The following CSMD2 variants were observed in gnomAD, a reference collection of about 807,000 sequenced individuals.
CSMD2 encodes CUB and sushi domain-containing protein 2.
In CSMD2, 130 loss-of-function variants were observed where a neutral mutation model predicts 398.5. The observed-to-expected ratio is 0.33, with a 90% CI of 0.28 to 0.38. CSMD2 has a LOEUF of 0.38. Among genes scored for constraint, CSMD2 ranks in the 10% least tolerant of loss-of-function variants. CSMD2 has a pLI of 1.00. For missense variants in CSMD2, 3,829 were observed against 4,764.9 expected (o/e 0.80, Z 5.78); for synonymous variants, 1,828 against 1,908.5 (o/e 0.96, Z 1.10).
chr1:34,023,493 C>A (rs1649210050), intron 3 of CSMD2, among the ~76,000 whole-genome samples: 1 of 152,108 alleles, frequency 6.6e-6, no homozygotes, highest in East Asian at 1.9e-4. Context: ...CAATAGCTAC[C>A]ATTGCAGGAC....
chr1:33,731,572 C>T (rs956408153), intron 15 of CSMD2, among the ~76,000 whole-genome samples: 11 of 152,132 alleles, frequency 7.2e-5, no homozygotes, highest in African/African-American at 2.7e-4. Flanking sequence ...ATGCAGGAGA[C>T]TCCTCATTCT....
intron 4 of CSMD2, among the ~76,000 whole-genome samples, chr1:33,935,091 T>C (rs1244920427): frequency 1.4e-5 from 2 of 146,588 alleles, no homozygotes; most frequent in Non-Finnish European, 3.0e-5. Flanking sequence ...AAGAAGATTG[T>C]GTAAGGAATA....
intron 21 of CSMD2, among the ~76,000 whole-genome samples, chr1:33,711,044 T>C (rs887797226): frequency 6.6e-6 from 1 of 152,242 alleles, no homozygotes; most frequent in Admixed American, 6.5e-5. Flanking sequence ...AATATCATGA[T>C]GAATGTGCTG....
In CSMD2 at chr1:33,611,068, G is replaced by C; in HGVS notation, c.6316C>G (p.Arg2106Gly). The C allele has an allele frequency of 6.2e-7, 1 of 1,613,984 alleles. No individual in the cohort carries two copies. The highest frequency in any genetic ancestry group is 8.5e-7 in the Non-Finnish European group (1 of 1,179,986). ...TGATACTCCAGCTTGAATCCTGGCC[G>C]ATTCTGGGAGTGGTCGCTGTGGAAA... is the stretch of plus-strand genomic sequence containing the variant. ...VYFHSDHSQN[R>G]PGFKLEYQAY... The change falls in exon 41 of 71, where the codon CGG (arginine) becomes GGG (glycine). Residue 2106 changes from arginine to glycine, a missense_variant. Physicochemically the swap from Arg to Gly is moderately radical, Grantham distance 125 (BLOSUM62 -2). Coordinates refer to ENST00000373381, the MANE Select transcript of CSMD2 (RefSeq NM_001281956.2).
intron 10 of CSMD2, among the ~76,000 whole-genome samples, chr1:33,809,784 A>G (rs1046835795): frequency 6.6e-6 from 1 of 152,132 alleles, no homozygotes; most frequent in South Asian, 2.1e-4. Context: ...AAAAGCCCAA[A>G]GAATTCAGAT....
Position 33,825,791 on chromosome 1 carries a change from A to T in CSMD2, c.1034-17T>A. ...GCTTCTTGACTAGAGAGGAGGTAAG[A>T]GGAAAAACAATGTGAGTTGTTGCCT... On this transcript the variant is annotated splice_polypyrimidine_tract_variant and intron_variant, in intron 6 of 70. Transcript: ENST00000373381. 1 of 1,608,276 alleles carries T rather than the reference A, an allele frequency of 6.2e-7. No homozygotes were observed. The highest frequency in any genetic ancestry group is 8.5e-7 in the Non-Finnish European group (1 of 1,175,492).
chr1:33,538,193 T>G (rs1262054169), intron 60 of CSMD2, among the ~76,000 whole-genome samples: 1 of 152,228 alleles, frequency 6.6e-6, no homozygotes, highest in East Asian at 1.9e-4. Context: ...TTTTTTGTTT[T>G]TTCTTTTCAC....
intron 3 of CSMD2, among the ~76,000 whole-genome samples, chr1:34,018,883 G>A (rs1253908826): frequency 6.6e-6 from 1 of 152,124 alleles, no homozygotes. Flanking sequence ...CCTTTTGTTA[G>A]ATTTTTTAAA....
At chr1:33,584,267 C>A (rs1448411124) in intron 46 of CSMD2, among the ~76,000 whole-genome samples, 1 of 152,206 alleles carries the variant, frequency 6.6e-6, no homozygotes, top group African/African-American at 2.4e-5. Context: ...CCCACCTCTG[C>A]CACTTACTAA....
intron 48 of CSMD2, among the ~76,000 whole-genome samples, chr1:33,579,681 AT>A (rs879300584): frequency 1.5e-3 from 217 of 142,912 alleles, no homozygotes; most frequent in Middle Eastern, 7.2e-3. Flanking sequence ...TTTTTTTTTA[AT>A]TTTTTTTTTT....
intron 5 of CSMD2, among the ~76,000 whole-genome samples, chr1:33,916,864 T>C (rs1643748932): frequency 6.6e-6 from 1 of 152,174 alleles, no homozygotes; most frequent in African/African-American, 2.4e-5. Flanking sequence ...CATGTCTCAC[T>C]CAACTGGTGT....
At chr1:33,575,291 A>C (rs1017571922) in intron 49 of CSMD2, among the ~76,000 whole-genome samples, 2 of 152,170 alleles carry the variant, frequency 1.3e-5, no homozygotes, top group Admixed American at 6.5e-5. Flanking sequence ...CATGGTTTGG[A>C]AACAGCAGTA....
intron 1 of CSMD2, among the ~76,000 whole-genome samples, chr1:34,095,988 G>C (rs568900960): frequency 1.5e-3 from 226 of 152,298 alleles, no homozygotes; most frequent in African/African-American, 5.2e-3. Context: ...TATCCTTGAT[G>C]AACATTGATG....
At chr1:33,615,251 CAG>C (rs1641309122) in intron 39 of CSMD2, among the ~76,000 whole-genome samples, 1 of 152,180 alleles carries the variant, frequency 6.6e-6, no homozygotes, top group South Asian at 2.1e-4. Flanking sequence ...AAGGTGAATT[CAG>C]AGTCATCTGA....
intron 64 of CSMD2, among the ~76,000 whole-genome samples, chr1:33,530,396 T>C (rs1260486325): frequency 1.3e-5 from 2 of 152,100 alleles, no homozygotes; most frequent in Non-Finnish European, 2.9e-5. Flanking sequence ...CAATGAGATA[T>C]CACCTCCTAC....
intron 3 of CSMD2, among the ~76,000 whole-genome samples, chr1:33,944,240 C>CA (rs1644773586): frequency 6.6e-6 from 1 of 151,808 alleles, no homozygotes; most frequent in Admixed American, 6.6e-5. Flanking sequence ...GCCCCCCCCC[C>CA]AACTCCTGTG....
chr1:34,110,450 C>T (rs185625843), intron 1 of CSMD2, among the ~76,000 whole-genome samples: 33 of 151,950 alleles, frequency 2.2e-4, no homozygotes, highest in Middle Eastern at 6.8e-3. Context: ...CCTAAATGTC[C>T]ATCGATAGTA....
At chr1:34,098,300 T>G (rs1203662539) in intron 1 of CSMD2, among the ~76,000 whole-genome samples, 1 of 134,058 alleles carries the variant, frequency 7.5e-6, no homozygotes, top group East Asian at 2.3e-4. Flanking sequence ...CATTGGGAGA[T>G]ATACCTAATG....
At chr1:33,591,614 T>C (rs41371344) in intron 44 of CSMD2, among the ~76,000 whole-genome samples, 15,145 of 152,192 alleles carry the variant, frequency 0.1, 1,013 homozygotes, top group East Asian at 0.19. Flanking sequence ...GTATTCTACA[T>C]GAGTGATTCT....
Sources: allele counts gnomAD v4.1 joint callset (sites outside exome capture counted in the v4.1 genomes callset), GRCh38; gene constraint gnomAD v4.1.1; transcripts MANE v1.5; gene names NCBI Gene and HGNC (gene_info 2026-07-23, HGNC 2026-07-21).